The following PTCH1 variants were observed in gnomAD, a reference collection of about 807,000 sequenced individuals.
PTCH1 encodes the protein patched 1.
PTCH1 carries 14 observed loss-of-function variants against 144.6 expected under a neutral mutation model. The observed-to-expected ratio is 0.10, with a 90% confidence interval of 0.06 to 0.15. PTCH1 has a LOEUF of 0.15. PTCH1 is among the 10% of genes least tolerant of loss of function. The pLI is 1.00. For synonymous variants in PTCH1, 833 were observed against 793.6 expected (o/e 1.05, Z -0.83); for missense variants, 1,623 against 1,948.3 (o/e 0.83, Z 3.14).
chr9:95,507,548 C>G (rs1035345720), intron 1 of PTCH1: 11 of 637,082 alleles, frequency 1.7e-5, no homozygotes, highest in African/African-American at 1.4e-4. Context: ...TAAGGAGAGG[C>G]GGCTCAAAAC....
intron 2 of PTCH1, 163 bp downstream of exon 2, chr9:95,506,244 G>T: frequency 1.2e-6 from 1 of 803,014 alleles, no homozygotes; most frequent in Non-Finnish European, 1.9e-6. Flanking sequence ...TGTCGGGCGG[G>T]CCTGGCTCCC....
intron 6 of PTCH1, 113 bp from the exon 7 acceptor site, chr9:95,480,203 G>C (rs529675671): frequency 1.1e-5 from 17 of 1,564,670 alleles, no homozygotes; most frequent in South Asian, 5.6e-5. Flanking sequence ...TTAATAGCAA[G>C]GCTAATGGGA....
chr9:95,496,262 C>T (rs535531961), intron 2 of PTCH1, among the ~76,000 whole-genome samples: 4 of 152,338 alleles, frequency 2.6e-5, no homozygotes, highest in Admixed American at 6.5e-5. Context: ...AGCAGTCCAG[C>T]GCCTCCCAAT....
chr9:95,478,597 C>T (rs1193374240), intron 8 of PTCH1, among the ~76,000 whole-genome samples: 1 of 152,214 alleles, frequency 6.6e-6, no homozygotes, highest in African/African-American at 2.4e-5. Flanking sequence ...TAAAAGGTCA[C>T]ATGCAGCTCA....
Position 95,458,303 on chromosome 9 carries a change from G to C in PTCH1, c.2888-10C>G. The C allele has an allele frequency of 6.2e-7, 1 of 1,613,278 alleles. No homozygotes were observed. Among genetic ancestry groups the C allele is most frequent in the Non-Finnish European group, 8.5e-7 (1 of 1,179,832 alleles). ...GGCTCTGCTGCCGGGACTGGACAGA[G>C]AAGGGCACAGGTTAGGAGCAGCCCA... On this transcript the variant is annotated splice_polypyrimidine_tract_variant and intron_variant, in intron 17 of 23. Coordinates refer to ENST00000331920, the MANE Select transcript of PTCH1 (RefSeq NM_000264.5). This position sits in a 1 kb window ranked among gnomAD's most constrained non-coding sequence, Gnocchi z 4.7.
chr9:95,490,525 A>ACACACC (rs1349451368), intron 2 of PTCH1, among the ~76,000 whole-genome samples: 3 of 130,490 alleles, frequency 2.3e-5, no homozygotes, highest in African/African-American at 8.3e-5. Flanking sequence ...TATGTGACAC[A>ACACACC]CACACACACA....
chr9:95,447,340 G>A lies in PTCH1; in HGVS notation c.3916C>T (p.Pro1306Ser), dbSNP rs1169961504. The A allele has an allele frequency of 6.2e-7, 1 of 1,613,478 alleles. No individual in the cohort carries two copies. Among genetic ancestry groups the A allele is most frequent in the South Asian group, 1.1e-5 (1 of 91,080 alleles). ...GRQGQQPRRD[P>S]PREGLWPPPY... ...GGTGGCCACAAGCCTTCTCTGGGGG[G>A]GTCCCTGCGGGGCTGCTGGCCTTGC... The change falls in exon 23 of 24, where the codon CCC (proline) becomes TCC (serine). Residue 1306 changes from proline (P) to serine (S), a missense_variant. Coordinates refer to ENST00000331920, the MANE Select transcript of PTCH1 (RefSeq NM_000264.5).
chr9:95,495,854 T>C (rs1438887079), intron 2 of PTCH1, among the ~76,000 whole-genome samples: 1 of 152,218 alleles, frequency 6.6e-6, no homozygotes, highest in Non-Finnish European at 1.5e-5. Flanking sequence ...ATCATTTACC[T>C]ACCTCCATCC....
At chr9:95,497,510 C>T (rs1842868292) in intron 2 of PTCH1, among the ~76,000 whole-genome samples, 1 of 152,200 alleles carries the variant, frequency 6.6e-6, no homozygotes, top group Non-Finnish European at 1.5e-5. Context: ...TTGGAAGGTG[C>T]ACCCACCCGG....
Position 95,509,219 on chromosome 9 carries a change from A to C in PTCH1, c.-858T>G, listed in dbSNP as rs963946701. On this transcript the variant is annotated 5_prime_UTR_variant, in exon 1 of 24. Transcript: ENST00000331920. ...GATGAGATGGAAGAAGAAAAAAAAG[A>C]ACTCTCTCCATTTGGAGAAAGAAGA... Among the ~76,000 whole-genome samples, 1 of 150,544 alleles carries C rather than the reference A, an allele frequency of 6.6e-6. No individual in the cohort carries two copies. The highest frequency in any genetic ancestry group is 1.5e-5 in the Non-Finnish European group (1 of 67,798).
chr9:95,516,895 C>A, exon 1 of PTCH1: 1 of 1,290,794 alleles, frequency 7.7e-7, no homozygotes, highest in Non-Finnish European at 1.1e-6. Flanking sequence ...GAAAACTTTA[C>A]CCCTTTACAA....
In PTCH1 at chr9:95,482,244, A is replaced by G. The variant is rs1353933605; in HGVS notation, c.585-41T>C. On this transcript the variant is annotated intron_variant, in intron 3 of 23. Coordinates refer to ENST00000331920, the MANE Select transcript of PTCH1 (RefSeq NM_000264.5). ...GCAGAGACAAAAATTTCTCACTGTA[A>G]TAAGAAAATTAGTGCAAATTCGAAA... 1.9e-6 allele frequency: 3 copies of G among 1,576,276 alleles called. No homozygotes were observed. Among genetic ancestry groups the G allele is most frequent in the African/African-American group, 1.3e-5 (1 of 74,080 alleles).
chr9:95,515,445 A>C (rs916871959), intron 1 of PTCH1, among the ~76,000 whole-genome samples: 3 of 152,100 alleles, frequency 2.0e-5, no homozygotes, highest in African/African-American at 4.8e-5. Flanking sequence ...ACAGCCGCCC[A>C]CCCATATGGT....
At chr9:95,462,704 G>A (rs1193596985) in intron 15 of PTCH1, among the ~76,000 whole-genome samples, 1 of 152,212 alleles carries the variant, frequency 6.6e-6, no homozygotes, top group Non-Finnish European at 1.5e-5. Flanking sequence ...GGATCCGATT[G>A]AGAACAGGAA....
intron 2 of PTCH1, among the ~76,000 whole-genome samples, chr9:95,496,537 T>C (rs1054967814): frequency 5.5e-5 from 7 of 128,006 alleles, no homozygotes; most frequent in African/African-American, 2.0e-4. Flanking sequence ...TGTAGCCTAT[T>C]AAAAAAAAAA....
chr9:95,444,111 T>C lies in PTCH1; in HGVS notation c.*2282A>G, dbSNP rs1837679397. On this transcript the variant is annotated 3_prime_UTR_variant, in exon 24 of 24. Transcript: ENST00000331920. Reference sequence around the variant, plus strand: ...ATTATAAATATCAGCAAAGTTTTTTTTTTTTTAAAAATTAAAACATCCAAA... The same window carrying C: ...ATTATAAATATCAGCAAAGTTTTTTCTTTTTTAAAAATTAAAACATCCAAA... The C allele has an allele frequency of 1.3e-5, 2 of 152,500 alleles. No individual in the cohort carries two copies. Among genetic ancestry groups the C allele is most frequent in the Non-Finnish European group, 2.9e-5 (2 of 68,018 alleles). The allele number at this position is 152,500 out of a possible 1,614,324, so 9.4% of individuals were successfully genotyped here.
In PTCH1 at chr9:95,447,115, C is replaced by A. The variant is rs187104739; in HGVS notation, c.4141G>T (p.Val1381Leu). Reference sequence around the variant, plus strand: ...GGCCCAGGGACAGGCGGCGGGTGCACGGCGACAGTCACGGAGGCAGAAGCC... The same window carrying A: ...GGCCCAGGGACAGGCGGCGGGTGCAAGGCGACAGTCACGGAGGCAGAAGCC... ...VTASASVTVA[V>L]HPPPVPGPGR... Residue 1381 changes from valine to leucine, a missense_variant, in exon 23 of 24, where the codon GTG (valine) becomes TTG (leucine). Val to Leu is a conservative substitution (Grantham distance 32). This residue lies in a region of PTCH1 where 291 missense variants were observed against 287.4 expected (regional missense o/e 1.01). Coordinates refer to ENST00000331920, the MANE Select transcript of PTCH1 (RefSeq NM_000264.5). 3.7e-6 allele frequency: 6 copies of A among 1,613,422 alleles called. No homozygotes were observed. The highest frequency in any genetic ancestry group is 5.1e-6 in the Non-Finnish European group (6 of 1,179,948).
intron 15 of PTCH1, among the ~76,000 whole-genome samples, chr9:95,462,451 T>G (rs1839574335): frequency 6.6e-6 from 1 of 152,140 alleles, no homozygotes; most frequent in Admixed American, 6.5e-5. Context: ...AAACAGCAGC[T>G]CAGCTGCTTC....
chr9:95,446,789 G>A (rs1639063868), intron 23 of PTCH1, 122 bp downstream of exon 23: 1 of 1,307,260 alleles, frequency 7.6e-7, no homozygotes, highest in African/African-American at 1.4e-5. Flanking sequence ...GGTCACTGGG[G>A]TCCAGCGTGG....
Sources: allele counts gnomAD v4.1 joint callset (sites outside exome capture counted in the v4.1 genomes callset), GRCh38; gene constraint gnomAD v4.1.1; regional missense constraint gnomAD v4.1.1; non-coding constraint Gnocchi (gnomAD v3.1); transcripts MANE v1.5; gene names NCBI Gene and HGNC (gene_info 2026-07-23, HGNC 2026-07-21).